NPAS3: variants seen among roughly 807,000 people sequenced by gnomAD.
The protein encoded by NPAS3 is neuronal PAS domain protein 3.
NPAS3 carries 14 observed loss-of-function variants against 73.1 expected under a neutral mutation model. That is an observed-to-expected ratio of 0.19 (90% CI 0.13 to 0.30). The LOEUF (loss-of-function observed/expected upper bound fraction) is 0.30, where lower values mean the gene tolerates loss of function less well. Ranked by LOEUF, NPAS3 falls within the 10% of genes least tolerant of loss-of-function variation. The probability of loss-of-function intolerance (pLI) is 1.00; values close to 1 mark genes in which losing one functional copy is unlikely to be tolerated. For synonymous variants in NPAS3, 620 were observed against 541.5 expected, an observed-to-expected ratio of 1.14 and a Z score of -2.01; for missense variants, 1,096 against 1,250.0, an observed-to-expected ratio of 0.88 and a Z score of 1.86.
upstream of NPAS3, among the ~76,000 whole-genome samples, chr14:32,938,074 T>G (rs1376429399): frequency 6.6e-6 from 1 of 152,084 alleles, no homozygotes; most frequent in Non-Finnish European, 1.5e-5. Context: ...CTTCTGTATG[T>G]GAGTTTAAAC....
At chr14:32,973,094 G>T (rs907938291) in intron 1 of NPAS3, among the ~76,000 whole-genome samples, 65 of 152,254 alleles carry the variant, frequency 4.3e-4, no homozygotes, top group African/African-American at 1.5e-3. Context: ...TGGTGGTGGG[G>T]CTTTGTCATC....
At chr14:33,288,074 A>G (rs1041060722) in intron 3 of NPAS3, among the ~76,000 whole-genome samples, 2 of 152,138 alleles carry the variant, frequency 1.3e-5, no homozygotes, top group Non-Finnish European at 2.9e-5. Flanking sequence ...CAAATTTTGC[A>G]TTGCAAACTT....
chr14:33,762,625 G>A (rs2062329814), intron 7 of NPAS3, among the ~76,000 whole-genome samples: 1 of 152,112 alleles, frequency 6.6e-6, no homozygotes, highest in Non-Finnish European at 1.5e-5. Context: ...ACGAATAGCA[G>A]CGGGAATCAG....
At chr14:33,189,500 T>C (rs1282101977) in intron 2 of NPAS3, among the ~76,000 whole-genome samples, 1 of 152,130 alleles carries the variant, frequency 6.6e-6, no homozygotes, top group African/African-American at 2.4e-5. Flanking sequence ...GAGCACTAAG[T>C]GGAATGGAAA....
chr14:33,288,531 G>A (rs1053326386), intron 3 of NPAS3, among the ~76,000 whole-genome samples: 1 of 151,844 alleles, frequency 6.6e-6, no homozygotes, highest in African/African-American at 2.4e-5. Context: ...CATTGATATG[G>A]GTGAGTCCTA....
At chr14:33,296,106 C>T (rs1401999074) in intron 3 of NPAS3, among the ~76,000 whole-genome samples, 1 of 152,128 alleles carries the variant, frequency 6.6e-6, no homozygotes, top group Non-Finnish European at 1.5e-5. Flanking sequence ...AAAATGCAAG[C>T]GGTGACTTAG....
chr14:33,200,492 T>C (rs10138072), intron 2 of NPAS3, among the ~76,000 whole-genome samples: 32,116 of 151,974 alleles, frequency 0.21, 3,845 homozygotes, highest in South Asian at 0.38. Context: ...CCTGGCTTTA[T>C]TGAAAAGCTT....
At chr14:33,276,356 T>C (rs969206043) in intron 3 of NPAS3, among the ~76,000 whole-genome samples, 1 of 152,118 alleles carries the variant, frequency 6.6e-6, no homozygotes, top group Non-Finnish European at 1.5e-5. Flanking sequence ...TTGTGTAGTA[T>C]CTCTTGTAGA....
chr14:33,636,464 C>T (rs1178011825), intron 5 of NPAS3, among the ~76,000 whole-genome samples: 1 of 152,136 alleles, frequency 6.6e-6, no homozygotes, highest in Admixed American at 6.5e-5. Flanking sequence ...GCTTTTCTAC[C>T]TGAGCTGATA....
At chr14:33,413,761 G>A (rs1260523974) in intron 4 of NPAS3, among the ~76,000 whole-genome samples, 1 of 152,122 alleles carries the variant, frequency 6.6e-6, no homozygotes, top group East Asian at 1.9e-4. Context: ...ACTTCAGACT[G>A]TAAGAATGCA....
chr14:33,135,713 C>G (rs1049034469), intron 2 of NPAS3, among the ~76,000 whole-genome samples: 4 of 151,916 alleles, frequency 2.6e-5, no homozygotes, highest in Non-Finnish European at 2.9e-5. Flanking sequence ...TTTTGGATTT[C>G]TGAAGAAGAA....
intron 3 of NPAS3, among the ~76,000 whole-genome samples, chr14:33,300,379 A>G (rs576601843): frequency 6.6e-6 from 1 of 152,368 alleles, no homozygotes; most frequent in South Asian, 2.1e-4. Context: ...TGGCTTAACT[A>G]TTATAATGAA....
chr14:33,742,256 A>G (rs1190509315), intron 7 of NPAS3, among the ~76,000 whole-genome samples: 1 of 152,170 alleles, frequency 6.6e-6, no homozygotes, highest in Non-Finnish European at 1.5e-5. Context: ...TCACTAAAGT[A>G]ATCTCTTGAC....
At chr14:33,163,763 T>C (rs1216076114) in intron 2 of NPAS3, among the ~76,000 whole-genome samples, 1 of 152,136 alleles carries the variant, frequency 6.6e-6, no homozygotes, top group Non-Finnish European at 1.5e-5. Flanking sequence ...GTGCCAATTC[T>C]GCTGATGGGC....
At chr14:33,329,629 G>T (rs2043886374) in intron 3 of NPAS3, among the ~76,000 whole-genome samples, 1 of 152,138 alleles carries the variant, frequency 6.6e-6, no homozygotes, top group African/African-American at 2.4e-5. Flanking sequence ...AGAGGAGGTT[G>T]GTGGGGTAGG....
At chr14:33,201,574 T>G (rs2046618091) in intron 2 of NPAS3, among the ~76,000 whole-genome samples, 1 of 152,212 alleles carries the variant, frequency 6.6e-6, no homozygotes, top group East Asian at 1.9e-4. Flanking sequence ...GATAGGTATA[T>G]TTAAGAAAGG....
At chr14:33,746,065 C>G (rs187930989) in intron 7 of NPAS3, among the ~76,000 whole-genome samples, 1 of 152,174 alleles carries the variant, frequency 6.6e-6, no homozygotes, top group Admixed American at 6.5e-5. Context: ...AGAAACTGAA[C>G]CTGCGGGGAA....
At chr14:33,732,150 A>G (rs1317485681) in intron 6 of NPAS3, among the ~76,000 whole-genome samples, 1 of 152,180 alleles carries the variant, frequency 6.6e-6, no homozygotes, top group East Asian at 1.9e-4. Context: ...TTTATAGAGC[A>G]CTATTCCTAA....
intron 3 of NPAS3, among the ~76,000 whole-genome samples, chr14:33,305,125 A>AGT (rs543623801): frequency 1.3e-5 from 2 of 152,142 alleles, no homozygotes; most frequent in Non-Finnish European, 2.9e-5. Flanking sequence ...GTTTTTTAAA[A>AGT]GTATGGGATT....
Sources: gnomAD v4.1 joint callset for allele counts (sites outside exome capture counted in the v4.1 genomes callset) on GRCh38, gnomAD v4.1.1 for gene constraint, MANE v1.5 for transcripts, NCBI Gene and HGNC (gene_info 2026-07-23, HGNC 2026-07-21) for gene names.